POLR2D: variants seen among roughly 807,000 people sequenced by gnomAD.
The protein encoded by POLR2D is RNA polymerase II subunit D.
In POLR2D, 10 loss-of-function variants were observed where a neutral mutation model predicts 17.6. The observed-to-expected ratio is 0.57, with a 90% CI of 0.35 to 0.96. POLR2D has a LOEUF of 0.96. POLR2D is among the 40% of genes least tolerant of loss of function. The pLI, the probability that POLR2D is intolerant of heterozygous loss-of-function variation, is 0.02. For synonymous variants in POLR2D, 52 were observed against 60.2 expected, an observed-to-expected ratio of 0.86 and a Z score of 0.63; for missense variants, 126 against 176.4, an observed-to-expected ratio of 0.71 and a Z score of 1.62.
intron 1 of POLR2D, chr2:127,856,974 T>C (rs1328369581): frequency 1.3e-5 from 2 of 152,166 alleles, no homozygotes; most frequent in East Asian, 3.9e-4. Flanking sequence ...AGACGGAGGT[T>C]GCAGTGAGCC....
At chr2:127,856,616 A>C (rs1336065620) in intron 1 of POLR2D, among the ~76,000 whole-genome samples, 1 of 152,030 alleles carries the variant, frequency 6.6e-6, no homozygotes, top group East Asian at 1.9e-4. Flanking sequence ...AATTAAAAAA[A>C]ATAAATTAAC....
intron 1 of POLR2D, among the ~76,000 whole-genome samples, chr2:127,856,471 T>TC (rs936415664): frequency 6.6e-6 from 1 of 151,098 alleles, no homozygotes; most frequent in African/African-American, 2.4e-5. Flanking sequence ...GCGCCTGTAG[T>TC]CCCAGCTACT....
In POLR2D at chr2:127,853,265, G is replaced by T. The variant is rs536362531; in HGVS notation, c.74-160C>A. Among the ~76,000 whole-genome samples, 8 of 152,284 alleles carry T rather than the reference G, an allele frequency of 5.3e-5. No individual in the cohort carries two copies. In the South Asian group the frequency reaches 1.7e-3, roughly 32 times the overall value. ...TGAACTTTTATTTTAGGTTCAGAGT[G>T]CATGTGCAGGTCTGTACTACAGGGA... On this transcript the variant is annotated intron_variant, in intron 1 of 3. Coordinates refer to ENST00000272645, the MANE Select transcript of POLR2D (RefSeq NM_004805.4).
At position 127,845,934 on chromosome 2, in the gene POLR2D, C is replaced by A. The variant is rs1690147904; in HGVS notation, c.*2173G>T. ...TATCCATATTTCACAATTGAGAACA[C>A]CAATGAGGCTCAAAGAAGCGAAGTT... On this transcript the variant is annotated 3_prime_UTR_variant, in exon 4 of 4. Coordinates refer to ENST00000272645, the MANE Select transcript of POLR2D (RefSeq NM_004805.4). The A allele has an allele frequency of 6.6e-6, 1 of 152,164 alleles. No individual in the cohort carries two copies. The highest frequency in any genetic ancestry group is 6.5e-5 in the Admixed American group (1 of 15,268). 9.4% of individuals were successfully genotyped at this position (152,164 alleles called of 1,614,324 possible).
intron 1 of POLR2D, among the ~76,000 whole-genome samples, chr2:127,856,289 T>TAAAAAAAAAA (rs1690326698): frequency 4.8e-3 from 3 of 630 alleles, no homozygotes; most frequent in Admixed American, 0.022. Flanking sequence ...AGATCCCGTC[T>TAAAAAAAAAA]CAAAAAAAAA....
Position 127,853,092 on chromosome 2 carries a change from A to G in POLR2D, c.87T>C (p.Ala29=). Reference sequence around the variant, plus strand: ...GAACTTCTGAATTTAGAAGTGTCTCAGCTGTTTCAAACTCTATTTGTAAGA... The same window carrying G: ...GAACTTCTGAATTTAGAAGTGTCTCGGCTGTTTCAAACTCTATTTGTAAGA... The part of the protein sequence containing the change: ...QLIFPKEFET[A]ETLLNSEVHM... Residue 29 remains alanine, a synonymous_variant, in exon 2 of 4, where the codon GCT becomes GCC. Coordinates refer to ENST00000272645, the MANE Select transcript of POLR2D (RefSeq NM_004805.4). 3 of 1,610,938 alleles carry G rather than the reference A, an allele frequency of 1.9e-6. No homozygotes were observed. Among genetic ancestry groups the G allele is most frequent in the Non-Finnish European group, 2.5e-6 (3 of 1,178,946 alleles).
chr2:127,852,531 AC>A lies in POLR2D; in HGVS notation c.254+393del, dbSNP rs1690268742. ...AAAGTGTGGATTACAGGTGTAAGCCACCACACCTGGCTGAAATTCTGGTCTT... is the reference window on the plus strand; with the variant it reads ...AAAGTGTGGATTACAGGTGTAAGCCACACACCTGGCTGAAATTCTGGTCTT... On this transcript the variant is annotated intron_variant, in intron 2 of 3. Coordinates refer to ENST00000272645, the MANE Select transcript of POLR2D (RefSeq NM_004805.4). This position sits in a 1 kb window ranked among gnomAD's most constrained non-coding sequence, Gnocchi z 4.0. Among the ~76,000 whole-genome samples the A allele has an allele frequency of 6.6e-6, 1 of 152,100 alleles. No homozygotes were observed. Among genetic ancestry groups the A allele is most frequent in the Admixed American group, 6.5e-5 (1 of 15,270 alleles).
At position 127,844,027 on chromosome 2, in the gene POLR2D, G is replaced by A. The variant is rs548521566; in HGVS notation, c.*4080C>T. The A allele has an allele frequency of 1.3e-5, 2 of 150,230 alleles. No homozygotes were observed. The highest frequency in any genetic ancestry group is 3.9e-4 in the East Asian group (2 of 5,102). 9.3% of individuals were successfully genotyped at this position (150,230 alleles called of 1,614,324 possible). ...GCTGAGGTGGGATGATCGCTGGAGA[G>A]TGGGAGATTGAGGCTGCAGTGAACC... On this transcript the variant is annotated 3_prime_UTR_variant, in exon 4 of 4. Coordinates refer to ENST00000272645, the MANE Select transcript of POLR2D (RefSeq NM_004805.4).
Position 127,848,053 on chromosome 2 carries a change from G to A in POLR2D, c.*54C>T. ...GCAAGTCAGCCCCAGACAGTGGGAA[G>A]GTGGTGTTATGCCTGGGGATGTGGT... is the stretch of plus-strand genomic sequence containing the variant. On this transcript the variant is annotated 3_prime_UTR_variant, in exon 4 of 4. Coordinates refer to ENST00000272645, the MANE Select transcript of POLR2D (RefSeq NM_004805.4). The A allele has an allele frequency of 8.9e-7, 1 of 1,128,022 alleles. No individual in the cohort carries two copies. Among genetic ancestry groups the A allele is most frequent in the Non-Finnish European group, 1.4e-6 (1 of 736,184 alleles). The allele number at this position is 1,128,022 out of a possible 1,614,324, so 69.9% of individuals were successfully genotyped here.
rs59206231 is a variant in POLR2D at position 127,856,462 on chromosome 2, C to T, written c.73+1566G>A. On this transcript the variant is annotated intron_variant, in intron 1 of 3. Coordinates refer to ENST00000272645, the MANE Select transcript of POLR2D (RefSeq NM_004805.4). ...AAAATTAGCTGGGCATGGTGGCAGG[C>T]GCCTGTAGTCCCAGCTACTTGGGAG... Among the ~76,000 whole-genome samples the T allele has an allele frequency of 2.8e-3, 420 of 151,080 alleles. 2 individuals are homozygous for T. Among genetic ancestry groups the T allele is most frequent in the African/African-American group, 9.5e-3 (392 of 41,206 alleles).
chr2:127,848,605 CT>C (rs1486642567), intron 3 of POLR2D, among the ~76,000 whole-genome samples: 6 of 152,178 alleles, frequency 3.9e-5, no homozygotes, highest in Admixed American at 2.6e-4. Context: ...CAAGCTCCGC[CT>C]TCCGGATTCC....
rs1690265775 is a variant in POLR2D at position 127,852,343 on chromosome 2, C to T, written c.254+582G>A. On this transcript the variant is annotated intron_variant, in intron 2 of 3. Coordinates refer to ENST00000272645, the MANE Select transcript of POLR2D (RefSeq NM_004805.4). This position sits in a 1 kb window ranked among gnomAD's most constrained non-coding sequence, Gnocchi z 4.0. ...CTAAAGCCTCAACCTCCCAGGCTCA[C>T]ATGATCCTCCCACTTCAGCCTCCCA... Among the ~76,000 whole-genome samples the T allele has an allele frequency of 6.6e-6, 1 of 152,140 alleles. No individual in the cohort carries two copies. Among genetic ancestry groups the T allele is most frequent in the Non-Finnish European group, 1.5e-5 (1 of 68,016 alleles).
intron 2 of POLR2D, among the ~76,000 whole-genome samples, chr2:127,851,131 G>C (rs112393449): frequency 0.044 from 6,660 of 152,222 alleles, 483 homozygotes; most frequent in African/African-American, 0.15. Context: ...CAGGAGAATT[G>C]CTTGAACCCG....
At chr2:127,854,396 A>G (rs1690297480) in intron 1 of POLR2D, among the ~76,000 whole-genome samples, 1 of 152,178 alleles carries the variant, frequency 6.6e-6, no homozygotes, top group African/African-American at 2.4e-5. Flanking sequence ...ATTCATAAAC[A>G]TGAATTCATG....
At chr2:127,850,466 G>C in intron 3 of POLR2D, 124 bp downstream of exon 3, 1 of 321,360 alleles carries the variant, frequency 3.1e-6, no homozygotes, top group Non-Finnish European at 5.5e-6. Flanking sequence ...AAAAAAAAAG[G>C]CACTTTCATT....
chr2:127,858,001 G>A, intron 1 of POLR2D, 27 bp downstream of exon 1: 11 of 1,575,996 alleles, frequency 7.0e-6, no homozygotes, highest in Non-Finnish European at 9.5e-6. Context: ...AAGTGGCGCG[G>A]GGGAGTCTGG....
At position 127,847,165 on chromosome 2, in the gene POLR2D, C is replaced by G. The variant is rs916069115; in HGVS notation, c.*942G>C. On this transcript the variant is annotated 3_prime_UTR_variant, in exon 4 of 4. Transcript: ENST00000272645. ...AAATGAATCCTTCAAGACCACTTAC[C>G]CCAAATCCACATTCTGCAAGACAGT... is the stretch of plus-strand genomic sequence containing the variant. The G allele has an allele frequency of 6.6e-6, 1 of 152,200 alleles. No homozygotes were observed. The highest frequency in any genetic ancestry group is 2.4e-5 in the African/African-American group (1 of 41,416). The allele number at this position is 152,200 out of a possible 1,614,324, so 9.4% of individuals were successfully genotyped here. A position where few individuals can be genotyped will look rare whatever the true frequency, so the allele number is the denominator to read the frequency against.
Position 127,847,846 on chromosome 2 carries a change from AC to A in POLR2D, c.*260del. 5 of 490,900 alleles carry A rather than the reference AC, an allele frequency of 1.0e-5. No homozygotes were observed. The South Asian group carries it at 1.1e-4, about 11-fold the overall frequency. The allele number at this position is 490,900 out of a possible 1,614,324, so 30.4% of individuals were successfully genotyped here. On this transcript the variant is annotated 3_prime_UTR_variant, in exon 4 of 4. Transcript: ENST00000272645. ...AGGTAGTCAACAGTGTGGTTATGTG[AC>A]CCCTCATCTCACACTTCGCAGAGGC...
chr2:127,853,387 C>T (rs1690279971), intron 1 of POLR2D, among the ~76,000 whole-genome samples: 1 of 152,136 alleles, frequency 6.6e-6, no homozygotes, highest in African/African-American at 2.4e-5. Context: ...ACCACCCACC[C>T]CCTCAACTAG....
Sources: allele counts gnomAD v4.1 joint callset (sites outside exome capture counted in the v4.1 genomes callset), GRCh38; gene constraint gnomAD v4.1.1; non-coding constraint Gnocchi (gnomAD v3.1); transcripts MANE v1.5; gene names NCBI Gene and HGNC (gene_info 2026-07-23, HGNC 2026-07-21).